SH3BP4: variants seen among roughly 807,000 people sequenced by gnomAD.
SH3BP4 encodes the protein SH3 domain binding protein 4.
A neutral mutation model predicts 65.5 loss-of-function variants in SH3BP4; 33 were observed. That is an observed-to-expected ratio of 0.50 (90% CI 0.38 to 0.67). The LOEUF is 0.67. Ranked by LOEUF, SH3BP4 falls within the 30% of genes least tolerant of loss-of-function variation. The pLI, the probability that SH3BP4 is intolerant of heterozygous loss-of-function variation, is 0.00. For synonymous variants in SH3BP4, 552 were observed against 545.5 expected (o/e 1.01, Z -0.17); for missense variants, 1,134 against 1,261.4 (o/e 0.90, Z 1.53).
In SH3BP4 at chr2:235,042,602, A is replaced by G. The variant is rs772074831; in HGVS notation, c.1833A>G (p.Pro611=). The change falls in exon 4 of 6, where the codon CCA becomes CCG. Residue 611 remains proline (P), a synonymous_variant. Coordinates refer to ENST00000392011, the MANE Select transcript of SH3BP4 (RefSeq NM_014521.3). The surrounding 1 kb of genome is among the most constrained non-coding windows in gnomAD (Gnocchi z 7.3). The part of the protein sequence containing the change: ...LTQFCVQTPQ[P]PPKSAIKPSG... ...AGTTTTGTGTCCAGACTCCTCAGCC[A>G]CCCCCTAAAAGTGCCATCAAGCCTT... 1.9e-6 allele frequency: 3 copies of G among 1,613,838 alleles called. No homozygotes were observed. Among genetic ancestry groups the G allele is most frequent in the Non-Finnish European group, 2.5e-6 (3 of 1,179,986 alleles).
In SH3BP4 at chr2:235,052,399, A is replaced by G. The variant is rs1696085522; in HGVS notation, c.2479-163A>G. Among the ~76,000 whole-genome samples, 1 of 152,062 alleles carries G rather than the reference A, an allele frequency of 6.6e-6. No individual in the cohort carries two copies. Among genetic ancestry groups the G allele is most frequent in the Admixed American group, 6.6e-5 (1 of 15,260 alleles). The stretch of plus-strand genomic sequence containing the variant: ...GCACATCATCTCTTTTCTCCCGTGA[A>G]TCCTGGCAGTGATCGATTTCAGGGG... On this transcript the variant is annotated intron_variant, in intron 4 of 5. Transcript: ENST00000392011. The surrounding 1 kb of genome is among the most constrained non-coding windows in gnomAD (Gnocchi z 5.0).
chr2:235,033,977 G>T lies in SH3BP4; in HGVS notation c.-132-894G>T, dbSNP rs1450887128. ...TTGCCTGCTCAGAGCTCTAAGTACTGTGGCCAGCTGTGAAAGTGTCTGCCA... is the reference window on the plus strand; with the variant it reads ...TTGCCTGCTCAGAGCTCTAAGTACTTTGGCCAGCTGTGAAAGTGTCTGCCA... On this transcript the variant is annotated intron_variant, in intron 2 of 5. Transcript: ENST00000392011. The surrounding 1 kb of genome is among the most constrained non-coding windows in gnomAD (Gnocchi z 5.7). Among the ~76,000 whole-genome samples the T allele has an allele frequency of 6.6e-6, 1 of 152,150 alleles. No individual in the cohort carries two copies. The highest frequency in any genetic ancestry group is 6.5e-5 in the Admixed American group (1 of 15,288).
At chr2:234,994,407 C>T (rs1693849070) in intron 1 of SH3BP4, 1 of 152,158 alleles carries the variant, frequency 6.6e-6, no homozygotes, top group South Asian at 2.1e-4. Flanking sequence ...AAGGAAGTTC[C>T]CACTCCTTCT....
In SH3BP4 at chr2:235,042,696, A is replaced by G. The variant is rs761500398; in HGVS notation, c.1927A>G (p.Thr643Ala). ...CATCCTGTCCCCGTTTGCCACCACT[A>G]CAAAGTACCCGACTTTCCAGGACCG... ...KIILSPFATT[T>A]KYPTFQDRPV... is the part of the protein sequence containing the mutation. Residue 643 changes from threonine to alanine, a missense_variant, in exon 4 of 6, where the codon ACA becomes GCA. Thr to Ala is a moderately conservative substitution (Grantham distance 58). Transcript: ENST00000392011. This position sits in a 1 kb window ranked among gnomAD's most constrained non-coding sequence, Gnocchi z 7.3. 4.3e-6 allele frequency: 7 copies of G among 1,614,192 alleles called. No homozygotes were observed. The highest frequency in any genetic ancestry group is 1.3e-5 in the African/African-American group (1 of 75,060).
In SH3BP4 at chr2:235,034,993, G is replaced by T; in HGVS notation, c.-10G>T. 6.2e-7 allele frequency: 1 copy of T among 1,612,202 alleles called. No individual in the cohort carries two copies. The highest frequency in any genetic ancestry group is 8.5e-7 in the Non-Finnish European group (1 of 1,178,532). On this transcript the variant is annotated 5_prime_UTR_variant, in exon 3 of 6. Coordinates refer to ENST00000392011, the MANE Select transcript of SH3BP4 (RefSeq NM_014521.3). The surrounding 1 kb of genome is among the most constrained non-coding windows in gnomAD (Gnocchi z 6.2). ...GCCTTAGCGGCTTTACCCGGGAAGC[G>T]AGTTTCGAGATGGCGGCTCAGCGGA...
rs539950469 is a variant in SH3BP4 at position 234,976,498 on chromosome 2, T to C, written c.-206-18805T>C. Among the ~76,000 whole-genome samples the C allele has an allele frequency of 5.9e-5, 9 of 152,246 alleles. No individual in the cohort carries two copies. The South Asian group carries it at 1.7e-3, about 28-fold the overall frequency. On this transcript the variant is annotated intron_variant, in intron 1 of 5. Transcript: ENST00000392011. The surrounding 1 kb of genome is among the most constrained non-coding windows in gnomAD (Gnocchi z 4.7). Reference sequence around the variant, plus strand: ...GTGGCTGCCTGCAGTTAAGCAGGGCTACCGTCTCTCGGCCCGGGGCTTCTT... The same window carrying C: ...GTGGCTGCCTGCAGTTAAGCAGGGCCACCGTCTCTCGGCCCGGGGCTTCTT...
At chr2:234,975,887 AAAAT>A (rs1214170583) in intron 1 of SH3BP4, among the ~76,000 whole-genome samples, 1 of 152,192 alleles carries the variant, frequency 6.6e-6, no homozygotes, top group Non-Finnish European at 1.5e-5. Flanking sequence ...AAAAAAATAA[AAAAT>A]AAATAAAAGT....
chr2:235,040,342 G>A (rs1269823236), intron 3 of SH3BP4, among the ~76,000 whole-genome samples: 3 of 152,102 alleles, frequency 2.0e-5, no homozygotes, highest in Non-Finnish European at 4.4e-5. Context: ...AACAGGTTGA[G>A]TTTGGAAATT....
intron 1 of SH3BP4, among the ~76,000 whole-genome samples, chr2:234,990,642 C>G (rs1014332992): frequency 2.0e-5 from 3 of 152,186 alleles, no homozygotes; most frequent in African/African-American, 7.2e-5. Flanking sequence ...GTGAAGAGTT[C>G]ACGGAGCATT....
At chr2:235,012,865 A>T (rs572893348) in intron 2 of SH3BP4, among the ~76,000 whole-genome samples, 67 of 152,146 alleles carry the variant, frequency 4.4e-4, no homozygotes, top group Non-Finnish European at 7.6e-4. Flanking sequence ...ATATTTTACC[A>T]AGGATCAGGT....
In SH3BP4 at chr2:235,042,539, G is replaced by A. The variant is rs140262787; in HGVS notation, c.1770G>A (p.Arg590=). ...ACGAGCTCTCTGACTTCACGCTGCG[G>A]GTTCAGGTGAAGGACGACCAGGAGG... ...NPNELSDFTL[R]VQVKDDQEAI... The change falls in exon 4 of 6, where the codon CGG becomes CGA. Residue 590 remains arginine (R), a synonymous_variant. Coordinates refer to ENST00000392011, the MANE Select transcript of SH3BP4 (RefSeq NM_014521.3). This position sits in a 1 kb window ranked among gnomAD's most constrained non-coding sequence, Gnocchi z 7.3. The A allele has an allele frequency of 0.012, 19,366 of 1,614,142 alleles. 165 individuals are homozygous for A. The highest frequency in any genetic ancestry group is 0.025 in the South Asian group (2,292 of 91,082).
chr2:235,037,935 G>C (rs1462833657), intron 3 of SH3BP4, among the ~76,000 whole-genome samples: 1 of 151,756 alleles, frequency 6.6e-6, no homozygotes. Flanking sequence ...CAGCCAGGGG[G>C]AATTCAGACA....
intron 3 of SH3BP4, among the ~76,000 whole-genome samples, chr2:235,039,373 G>A (rs534775336): frequency 6.6e-6 from 1 of 151,972 alleles, no homozygotes; most frequent in African/African-American, 2.4e-5. Context: ...GGGTCGGGGG[G>A]GCAATTTGAT....
At chr2:234,960,360 A>G (rs1216401496) in intron 1 of SH3BP4, among the ~76,000 whole-genome samples, 1 of 152,196 alleles carries the variant, frequency 6.6e-6, no homozygotes, top group Non-Finnish European at 1.5e-5. Flanking sequence ...TGTTTGTAAG[A>G]GGAATGCTCT....
At chr2:235,051,265 T>C (rs537789041) in intron 4 of SH3BP4, among the ~76,000 whole-genome samples, 1 of 152,022 alleles carries the variant, frequency 6.6e-6, no homozygotes, top group African/African-American at 2.4e-5. Context: ...GTCATGTGAC[T>C]TGGCACAGTG....
chr2:234,952,438 C>T lies in SH3BP4; in HGVS notation c.-207+268C>T, dbSNP rs187788899. Among the ~76,000 whole-genome samples, 1 of 150,866 alleles carries T rather than the reference C, an allele frequency of 6.6e-6. No homozygotes were observed. The highest frequency in any genetic ancestry group is 1.5e-5 in the Non-Finnish European group (1 of 67,638). ...CAGGGACCCGGCCCGGGGTTCCGGG[C>T]GCCGAGCCGCAGCCCTCCGCGTGCG... On this transcript the variant is annotated intron_variant, in intron 1 of 5. Coordinates refer to ENST00000392011, the MANE Select transcript of SH3BP4 (RefSeq NM_014521.3). The surrounding 1 kb of genome is among the most constrained non-coding windows in gnomAD (Gnocchi z 6.5).
rs536157081 is a variant in SH3BP4 at position 234,988,292 on chromosome 2, C to A, written c.-206-7011C>A. Among the ~76,000 whole-genome samples, 4 of 152,264 alleles carry A rather than the reference C, an allele frequency of 2.6e-5. No homozygotes were observed. The South Asian group carries it at 6.2e-4, about 24-fold the overall frequency. On this transcript the variant is annotated intron_variant, in intron 1 of 5. Coordinates refer to ENST00000392011, the MANE Select transcript of SH3BP4 (RefSeq NM_014521.3). ...GCCAGGATAGTCTTGATCTCCTGAC[C>A]TCATGATCTGCCCACCTTGGCCTCC...
At chr2:234,956,318 T>C (rs551924223) in intron 1 of SH3BP4, among the ~76,000 whole-genome samples, 1 of 152,318 alleles carries the variant, frequency 6.6e-6, no homozygotes, top group South Asian at 2.1e-4. Context: ...ATTAAGATTA[T>C]AGGAAGGCGG....
At position 235,035,902 on chromosome 2, in the gene SH3BP4, G is replaced by A. The variant is rs1050975520; in HGVS notation, c.118+782G>A. Among the ~76,000 whole-genome samples, 1 of 152,230 alleles carries A rather than the reference G, an allele frequency of 6.6e-6. No homozygotes were observed. The highest frequency in any genetic ancestry group is 2.4e-5 in the African/African-American group (1 of 41,454). ...TTGGGGCTTGGCAGTTGCGGTGACA[G>A]CACCATCATCATCAATATCATCATC... On this transcript the variant is annotated intron_variant, in intron 3 of 5. Transcript: ENST00000392011. The surrounding 1 kb of genome is among the most constrained non-coding windows in gnomAD (Gnocchi z 5.0).
Sources: gnomAD v4.1 joint callset for allele counts (sites outside exome capture counted in the v4.1 genomes callset) on GRCh38, gnomAD v4.1.1 for gene constraint, Gnocchi (gnomAD v3.1) non-coding constraint, MANE v1.5 for transcripts, NCBI Gene and HGNC (gene_info 2026-07-23, HGNC 2026-07-21) for gene names.